Variants in SGCD observed in about 807,000 individuals in gnomAD.
The protein encoded by SGCD is sarcoglycan delta, also known as delta-sarcoglycan.
SGCD carries 18 observed loss-of-function variants against 36.6 expected under a neutral mutation model. That is an observed-to-expected ratio of 0.49 (90% CI 0.34 to 0.73). The LOEUF is 0.73. SGCD is among the 30% of genes least tolerant of loss of function. The pLI, the probability that SGCD is intolerant of heterozygous loss-of-function variation, is 0.01. For synonymous variants in SGCD, 133 were observed against 130.6 expected (o/e 1.02, Z -0.12); for missense variants, 387 against 346.7 (o/e 1.12, Z -0.92).
At chr5:155,805,673 G>T in the SGCD span, among the ~76,000 whole-genome samples, 1 of 152,200 alleles carries the variant, frequency 6.6e-6, no homozygotes, top group Non-Finnish European at 1.5e-5. Flanking sequence ...GAGAACCTCT[G>T]TTGTAGAGGA....
the SGCD span, among the ~76,000 whole-genome samples, chr5:155,778,818 A>G: frequency 6.6e-6 from 1 of 152,190 alleles, no homozygotes; most frequent in Admixed American, 6.5e-5. Context: ...GTTTGTGAGC[A>G]TATTTTATAA....
At chr5:155,873,250 C>T (rs1001852123) in intron 1 of SGCD, among the ~76,000 whole-genome samples, 16 of 152,068 alleles carry the variant, frequency 1.1e-4, no homozygotes, top group African/African-American at 3.9e-4. Context: ...TTTTATATTT[C>T]AGTAAGAATA....
At chr5:155,983,625 C>T (rs1054061994) in intron 1 of SGCD, among the ~76,000 whole-genome samples, 1 of 152,094 alleles carries the variant, frequency 6.6e-6, no homozygotes, top group African/African-American at 2.4e-5. Flanking sequence ...TGTGAAACTC[C>T]TTAGCTGGAA....
the SGCD span, among the ~76,000 whole-genome samples, chr5:155,859,662 T>C: frequency 6.6e-6 from 1 of 152,236 alleles, no homozygotes; most frequent in African/African-American, 2.4e-5. Context: ...GATTCATCCA[T>C]GCTGTCATCA....
the SGCD span, among the ~76,000 whole-genome samples, chr5:155,819,144 A>G: frequency 1.3e-5 from 2 of 152,210 alleles, no homozygotes; most frequent in African/African-American, 2.4e-5. Flanking sequence ...AATGAACTGG[A>G]TATTTCCACT....
intron 2 of SGCD, among the ~76,000 whole-genome samples, chr5:156,337,622 T>G (rs1325982962): frequency 6.6e-6 from 1 of 152,132 alleles, no homozygotes; most frequent in African/African-American, 2.4e-5. Flanking sequence ...ACCAGAGTGG[T>G]TCACCTTCTA....
chr5:155,923,946 G>A (rs1034436807), intron 1 of SGCD, among the ~76,000 whole-genome samples: 3 of 152,136 alleles, frequency 2.0e-5, no homozygotes, highest in African/African-American at 7.2e-5. Flanking sequence ...GTGTGAAAGG[G>A]TCCTCATTTA....
At chr5:155,946,346 A>G (rs568573995) in intron 1 of SGCD, among the ~76,000 whole-genome samples, 10 of 152,332 alleles carry the variant, frequency 6.6e-5, no homozygotes, top group African/African-American at 2.4e-4. Flanking sequence ...TTAATGGCCC[A>G]AAGTAATATA....
intron 3 of SGCD, among the ~76,000 whole-genome samples, chr5:156,308,522 T>C (rs544575049): frequency 6.6e-6 from 1 of 152,140 alleles, no homozygotes; most frequent in Admixed American, 6.5e-5. Context: ...ATGGTCTCGA[T>C]CTCCTGACCA....
At position 156,051,636 on chromosome 5, in the gene SGCD, C is replaced by T. The variant is rs551562124; in HGVS notation, c.-281-66242C>T. 4.7e-4 allele frequency among the ~76,000 whole-genome samples: 69 copies of T among 146,104 alleles called. 8 individuals carry two copies. In the South Asian group the frequency reaches 0.014, roughly 30 times the overall value. ...TAGGTTGATTAAGAAAACAGACATG[C>T]TTGTGTGTGTGAAACATATAAACTA... On this transcript the variant is annotated intron_variant, in intron 1 of 9. Transcript: ENST00000517913.
chr5:156,355,943 G>A (rs1769471962), intron 3 of SGCD, among the ~76,000 whole-genome samples: 1 of 152,200 alleles, frequency 6.6e-6, no homozygotes, highest in Non-Finnish European at 1.5e-5. Flanking sequence ...CCCTGACCCA[G>A]AATGAGAAAG....
chr5:156,463,819 A>T (rs1233376728), intron 3 of SGCD, among the ~76,000 whole-genome samples: 1 of 152,004 alleles, frequency 6.6e-6, no homozygotes, highest in Non-Finnish European at 1.5e-5. Context: ...ACATGGCAAG[A>T]CCTCATATCT....
At chr5:156,665,053 G>T (rs573053023) in intron 7 of SGCD, among the ~76,000 whole-genome samples, 2 of 150,986 alleles carry the variant, frequency 1.3e-5, no homozygotes, top group South Asian at 4.2e-4. Context: ...ATGGTATGGC[G>T]CCCTGCCCTG....
chr5:156,175,572 C>T (rs530378927), intron 3 of SGCD, among the ~76,000 whole-genome samples: 9 of 152,140 alleles, frequency 5.9e-5, no homozygotes, highest in African/African-American at 1.9e-4. Flanking sequence ...TAATAATTAA[C>T]CTAGGAAAAT....
At chr5:156,690,289 C>G (rs1439581365) in intron 7 of SGCD, among the ~76,000 whole-genome samples, 1 of 152,118 alleles carries the variant, frequency 6.6e-6, no homozygotes, top group Non-Finnish European at 1.5e-5. Flanking sequence ...AGCCCATGCT[C>G]TTGATCAAGG....
rs542585189 is a variant in SGCD, at chr5:155,983,435, G to A, written c.-282+113011G>A. On this transcript the variant is annotated intron_variant, in intron 1 of 9. Transcript: ENST00000517913. ...CTGTCTCAGCCTCCCATGTAGCCGG[G>A]ATAACAGGTGCACGCCACCATGCCC... Among the ~76,000 whole-genome samples the A allele has an allele frequency of 3.3e-5, 5 of 152,278 alleles. No homozygotes were observed. The South Asian group carries it at 8.3e-4, about 25-fold the overall frequency.
At chr5:156,689,467 T>C (rs1754032500) in intron 7 of SGCD, among the ~76,000 whole-genome samples, 1 of 152,170 alleles carries the variant, frequency 6.6e-6, no homozygotes, top group Non-Finnish European at 1.5e-5. Flanking sequence ...ATAGGCATCA[T>C]ATCCCGAAAT....
At chr5:156,125,536 G>A (rs775102115) in intron 3 of SGCD, among the ~76,000 whole-genome samples, 1 of 151,894 alleles carries the variant, frequency 6.6e-6, no homozygotes, top group African/African-American at 2.4e-5. Flanking sequence ...TGAGATGGGC[G>A]GACATGTAAG....
At chr5:155,932,246 C>T (rs1006190400) in intron 1 of SGCD, among the ~76,000 whole-genome samples, 2 of 152,180 alleles carry the variant, frequency 1.3e-5, no homozygotes, top group Non-Finnish European at 2.9e-5. Context: ...GCACTTTGTA[C>T]ACTTTTCATT....
Sources: allele counts gnomAD v4.1 joint callset (sites outside exome capture counted in the v4.1 genomes callset), GRCh38; gene constraint gnomAD v4.1.1; transcripts MANE v1.5; gene names NCBI Gene and HGNC (gene_info 2026-07-23, HGNC 2026-07-21).